Variants in ATP6V0A4 observed in about 807,000 individuals in gnomAD.
ATP6V0A4 encodes the protein ATPase H+ transporting V0 subunit a4, also known as V-type proton ATPase 116 kDa subunit a 4.
Under a neutral mutation model 107.3 loss-of-function variants are expected in ATP6V0A4, and 86 were observed. That is an observed-to-expected ratio of 0.80 (90% CI 0.67 to 0.96). ATP6V0A4 has a LOEUF of 0.96. Among genes scored for constraint, ATP6V0A4 ranks in the 40% least tolerant of loss-of-function variants. The pLI, the probability that ATP6V0A4 is intolerant of heterozygous loss-of-function variation, is 0.00. For synonymous variants in ATP6V0A4, 353 were observed against 381.4 expected, an observed-to-expected ratio of 0.93 and a Z score of 0.87; for missense variants, 908 against 1,045.6, an observed-to-expected ratio of 0.87 and a Z score of 1.81.
chr7:138,728,878 G>A lies in ATP6V0A4; in HGVS notation c.1909-16C>T. The A allele has an allele frequency of 1.2e-6, 2 of 1,613,964 alleles. No individual in the cohort carries two copies. The highest frequency in any genetic ancestry group is 2.2e-5 in the South Asian group (2 of 91,070). ...GGACTTCTTGCTGCAAGACCAAAATGGCGAGATCTCATCATTTTCACATGG... is the reference window on the plus strand; with the variant it reads ...GGACTTCTTGCTGCAAGACCAAAATAGCGAGATCTCATCATTTTCACATGG... On this transcript the variant is annotated splice_polypyrimidine_tract_variant and intron_variant, in intron 17 of 21. Transcript: ENST00000310018.
chr7:138,754,103 T>A (rs411467), intron 10 of ATP6V0A4, among the ~76,000 whole-genome samples: 2 of 151,884 alleles, frequency 1.3e-5, no homozygotes, highest in African/African-American at 4.8e-5. Context: ...TCAATGGCTT[T>A]GGGGAAACAG....
rs1562979814 is a variant in ATP6V0A4, at chr7:138,718,032, G to GCCCAGGAAGGAA, written c.2140-2152_2140-2151insTTCCTTCCTGGG. 7.1e-5 allele frequency among the ~76,000 whole-genome samples: 10 copies of GCCCAGGAAGGAA among 140,488 alleles called. 1 individual carries two copies. The highest frequency in any genetic ancestry group is 1.1e-4 in the African/African-American group (4 of 37,920). The allele number at this position is 140,488 out of a possible 152,430, so 92.2% of individuals were successfully genotyped here. ...GTCACAGATGTCTGCGGAGGGAGAC[G>GCCCAGGAAGGAA]TCCAGGAAGGAGTGGGGGGGTACAG... On this transcript the variant is annotated intron_variant, in intron 19 of 21. Transcript: ENST00000310018.
chr7:138,711,289 C>T (rs1489742019), intron 20 of ATP6V0A4, among the ~76,000 whole-genome samples: 4 of 152,180 alleles, frequency 2.6e-5, no homozygotes, highest in Non-Finnish European at 5.9e-5. Flanking sequence ...TAGCTGAGCC[C>T]GTGTCCCCAG....
intron 2 of ATP6V0A4, among the ~76,000 whole-genome samples, chr7:138,779,749 G>A (rs1807836946): frequency 6.6e-6 from 1 of 152,132 alleles, no homozygotes; most frequent in African/African-American, 2.4e-5. Context: ...TCATTACTAT[G>A]ATGTAAAATT....
chr7:138,726,307 C>T (rs1163593489), intron 18 of ATP6V0A4, among the ~76,000 whole-genome samples: 1 of 152,172 alleles, frequency 6.6e-6, no homozygotes, highest in African/African-American at 2.4e-5. Flanking sequence ...TAAATAGAAA[C>T]ACACAGTTAT....
At chr7:138,790,598 A>G (rs1808365748) in intron 1 of ATP6V0A4, among the ~76,000 whole-genome samples, 1 of 152,124 alleles carries the variant, frequency 6.6e-6, no homozygotes. Flanking sequence ...CCCAGTCCCA[A>G]AAACGGTTTT....
chr7:138,762,466 A>T (rs1449807580), intron 6 of ATP6V0A4, 32 bp from the exon 7 acceptor site: 1 of 1,613,244 alleles, frequency 6.2e-7, no homozygotes, highest in African/African-American at 1.3e-5. Flanking sequence ...TTTTCATTTA[A>T]ATATATTTAG....
intron 18 of ATP6V0A4, among the ~76,000 whole-genome samples, chr7:138,728,114 ATTAT>A (rs1804809230): frequency 6.6e-6 from 1 of 151,850 alleles, no homozygotes; most frequent in African/African-American, 2.4e-5. Flanking sequence ...ATAATAAAAT[ATTAT>A]TTATAACTAA....
chr7:138,735,983 A>C (rs1251683331), intron 15 of ATP6V0A4, among the ~76,000 whole-genome samples: 18 of 138,692 alleles, frequency 1.3e-4, no homozygotes, highest in Middle Eastern at 4.0e-3. Context: ...CAGAAGAATC[A>C]CTTGAACCCA....
chr7:138,720,235 C>T (rs1365568681), intron 19 of ATP6V0A4, among the ~76,000 whole-genome samples: 5 of 152,012 alleles, frequency 3.3e-5, no homozygotes, highest in African/African-American at 1.2e-4. Flanking sequence ...GTTTGGCTAA[C>T]CCTACCGTGG....
Position 138,729,157 on chromosome 7 carries a change from A to G in ATP6V0A4, c.1909-295T>C, listed in dbSNP as rs10230870. On this transcript the variant is annotated intron_variant, in intron 17 of 21. Coordinates refer to ENST00000310018, the MANE Select transcript of ATP6V0A4 (RefSeq NM_020632.3). ...CCAATCTTTTAAACAAGAAGTACGC[A>G]TGAAACATTATAAAGGCACCCCTTG... Among the ~76,000 whole-genome samples the G allele has an allele frequency of 0.044, 6,748 of 152,246 alleles. 510 individuals are homozygous for G. Among genetic ancestry groups the G allele is most frequent in the African/African-American group, 0.15 (6,218 of 41,534 alleles).
intron 19 of ATP6V0A4, among the ~76,000 whole-genome samples, chr7:138,718,758 T>C (rs1804285937): frequency 1.4e-5 from 2 of 144,906 alleles, no homozygotes; most frequent in Non-Finnish European, 3.0e-5. Flanking sequence ...ATGTCAGAGG[T>C]TATGGGGACA....
intron 21 of ATP6V0A4, 190 bp from the exon 22 acceptor site, chr7:138,706,907 T>A: frequency 1.8e-6 from 1 of 547,770 alleles, no homozygotes; most frequent in South Asian, 8.2e-5. Context: ...TTTTTTTTTT[T>A]TTTTGAGACA....
chr7:138,742,375 CA>C (rs1314909966), intron 14 of ATP6V0A4, among the ~76,000 whole-genome samples: 1 of 152,040 alleles, frequency 6.6e-6, no homozygotes, highest in Non-Finnish European at 1.5e-5. Context: ...TGCAGTGAGC[CA>C]AAATCGCACC....
chr7:138,751,728 C>T (rs1476340697), intron 11 of ATP6V0A4, among the ~76,000 whole-genome samples: 1 of 151,674 alleles, frequency 6.6e-6, no homozygotes, highest in Non-Finnish European at 1.5e-5. Flanking sequence ...GAGTGCTTAG[C>T]CATCTCGGAC....
intron 15 of ATP6V0A4, among the ~76,000 whole-genome samples, chr7:138,736,561 G>GT (rs973339550): frequency 6.6e-5 from 10 of 151,810 alleles, no homozygotes; most frequent in South Asian, 2.1e-4. Flanking sequence ...TAGGGCTGCT[G>GT]TTTTTTTTAT....
rs1807696859 is a variant in ATP6V0A4 at position 138,777,149 on chromosome 7, A to AG, written c.-17-5886_-17-5885insC. ...AAAAGACACAGCGAGACTCCGTCTC[A>AG]AAAAAAAAACAACAAAAAAAGTATG... On this transcript the variant is annotated intron_variant, in intron 2 of 21. Transcript: ENST00000310018. Among the ~76,000 whole-genome samples the AG allele has an allele frequency of 9.0e-4, 12 of 13,394 alleles. No homozygotes were observed. The South Asian group carries it at 0.059, about 66-fold the overall frequency. 8.8% of individuals were successfully genotyped at this position (13,394 alleles called of 152,430 possible).
intron 19 of ATP6V0A4, chr7:138,716,090 G>A (rs1301050224): frequency 7.1e-6 from 2 of 280,678 alleles, no homozygotes; most frequent in African/African-American, 4.6e-5. Context: ...AGCAATAGCT[G>A]AAAAAAAGCT....
At chr7:138,759,504 T>A (rs1035115514) in intron 8 of ATP6V0A4, among the ~76,000 whole-genome samples, 3 of 152,104 alleles carry the variant, frequency 2.0e-5, no homozygotes, top group Admixed American at 2.0e-4. Context: ...TAGAGAAAAG[T>A]ATAGCTATGT....
Sources: allele counts gnomAD v4.1 joint callset (sites outside exome capture counted in the v4.1 genomes callset), GRCh38; gene constraint gnomAD v4.1.1; transcripts MANE v1.5; gene names NCBI Gene and HGNC (gene_info 2026-07-23, HGNC 2026-07-21).